KIF9: variants seen among roughly 807,000 people sequenced by gnomAD.
KIF9 encodes kinesin-like protein KIF9.
In KIF9, 68 loss-of-function variants were observed where a neutral mutation model predicts 94.8. The observed-to-expected ratio is 0.72, with a 90% CI of 0.59 to 0.88. KIF9 has a LOEUF of 0.88. KIF9 is among the 40% of genes least tolerant of loss of function. The pLI is 0.00. For synonymous variants in KIF9, 343 were observed against 362.1 expected (o/e 0.95, Z 0.60); for missense variants, 882 against 982.5 (o/e 0.90, Z 1.37).
intron 2 of KIF9, among the ~76,000 whole-genome samples, chr3:47,276,600 C>T (rs369429750): frequency 8.6e-5 from 13 of 151,660 alleles, no homozygotes; most frequent in South Asian, 6.3e-4. Context: ...AAGACTTGGT[C>T]CACTCACACA....
intron 9 of KIF9, among the ~76,000 whole-genome samples, chr3:47,260,799 GC>G (rs918072982): frequency 1.3e-5 from 2 of 152,210 alleles, no homozygotes; most frequent in African/African-American, 4.8e-5. Flanking sequence ...CCATCCTAGT[GC>G]CTGGGTGGGG....
chr3:47,272,985 C>G (rs1701742233), intron 4 of KIF9, among the ~76,000 whole-genome samples: 1 of 152,218 alleles, frequency 6.6e-6, no homozygotes, highest in East Asian at 1.9e-4. Context: ...CCTCCTACCT[C>G]CGACCAGAGG....
intron 5 of KIF9, among the ~76,000 whole-genome samples, chr3:47,270,691 A>G (rs916638482): frequency 2.3e-4 from 35 of 152,202 alleles, no homozygotes; most frequent in African/African-American, 8.4e-4. Flanking sequence ...TTGTTGCCTT[A>G]TGTAAAAAAC....
chr3:47,266,092 A>G, intron 7 of KIF9: 1 of 498,552 alleles, frequency 2.0e-6, no homozygotes, highest in Non-Finnish European at 3.6e-6. Flanking sequence ...GTGAACACTC[A>G]TGTGAATACT....
chr3:47,281,120 C>T (rs1481547606), intron 1 of KIF9: 4 of 671,132 alleles, frequency 6.0e-6, no homozygotes, highest in Middle Eastern at 2.4e-4. Flanking sequence ...CAGGAAATGG[C>T]GGTGGTTGGT....
At chr3:47,239,002 C>A (rs1483584088) in intron 17 of KIF9, among the ~76,000 whole-genome samples, 5 of 152,270 alleles carry the variant, frequency 3.3e-5, no homozygotes, top group Non-Finnish European at 4.4e-5. Flanking sequence ...AGTTCAAGAC[C>A]AGCCTGACCA....
chr3:47,255,720 GCTCTCCCTCTCC>G (rs776357368), intron 10 of KIF9, among the ~76,000 whole-genome samples: 2 of 149,734 alleles, frequency 1.3e-5, no homozygotes, highest in Non-Finnish European at 3.0e-5. Context: ...AATTTTCTTC[GCTCTCCCTCTCC>G]CTCTCCCTCT....
intron 20 of KIF9, among the ~76,000 whole-genome samples, chr3:47,232,770 C>G (rs1698693867): frequency 6.7e-6 from 1 of 150,308 alleles, no homozygotes; most frequent in African/African-American, 2.4e-5. Flanking sequence ...ATCAAGAGGT[C>G]AGGAGATCGA....
chr3:47,282,314 C>T, intron 1 of KIF9, 181 bp downstream of exon 1: 1 of 985,816 alleles, frequency 1.0e-6, no homozygotes, highest in Non-Finnish European at 1.2e-6. Flanking sequence ...GACCGTAAGC[C>T]GCGGTCAGGT....
chr3:47,253,450 C>T (rs867740468), intron 10 of KIF9, among the ~76,000 whole-genome samples: 5 of 146,218 alleles, frequency 3.4e-5, no homozygotes, highest in African/African-American at 5.0e-5. Flanking sequence ...GCCACGCACC[C>T]GGCCCAGTGA....
intron 7 of KIF9, 83 bp downstream of exon 7, chr3:47,266,893 G>C (rs1701320066): frequency 9.9e-7 from 1 of 1,008,708 alleles, no homozygotes; most frequent in African/African-American, 1.6e-5. Flanking sequence ...TATCCAATGA[G>C]TCATGGCCCA....
intron 2 of KIF9, 197 bp downstream of exon 2, chr3:47,277,085 C>T: frequency 5.0e-6 from 2 of 401,880 alleles, no homozygotes; most frequent in South Asian, 8.4e-5. Context: ...TATTAAAAGA[C>T]AATTAACGAT....
At chr3:47,263,758 T>C in intron 9 of KIF9, 1 of 436,086 alleles carries the variant, frequency 2.3e-6, no homozygotes, top group Non-Finnish European at 4.6e-6. Context: ...CCATGGCTTC[T>C]CTCTCTTTCT....
chr3:47,242,964 C>A (rs1699673459), intron 16 of KIF9, 87 bp downstream of exon 16: 2 of 1,091,044 alleles, frequency 1.8e-6, no homozygotes, highest in Non-Finnish European at 2.6e-6. Context: ...TATTTTATTT[C>A]TCTTTTATCT....
In KIF9 at chr3:47,247,391, C is replaced by T. The variant is rs1699994980; in HGVS notation, c.1215G>A (p.Gly405=). 3 of 1,612,812 alleles carry T rather than the reference C, an allele frequency of 1.9e-6. No individual in the cohort carries two copies. The highest frequency in any genetic ancestry group is 2.2e-5 in the East Asian group (1 of 44,858). The change falls in exon 12 of 21, where the codon GGG becomes GGA. Residue 405 remains glycine (G), a synonymous_variant. Coordinates refer to ENST00000684063, the MANE Select transcript of KIF9 (RefSeq NM_182902.4). ...INSQVRRYLE[G]TLDEIDIISL... ...TCCTTACGTCGATCTCGTCCAGTGT[C>T]CCCTCCAGGTACCTCCGCACCTGGG... is the stretch of plus-strand genomic sequence containing the variant.
At chr3:47,263,863 T>C in intron 9 of KIF9, 1 of 457,274 alleles carries the variant, frequency 2.2e-6, no homozygotes, top group Non-Finnish European at 4.4e-6. Context: ...CTTAATACCA[T>C]CTGCTCATAC....
At chr3:47,237,858 G>A (rs1270240943) in intron 17 of KIF9, among the ~76,000 whole-genome samples, 1 of 152,220 alleles carries the variant, frequency 6.6e-6, no homozygotes, top group African/African-American at 2.4e-5. Flanking sequence ...ACCCTCACCA[G>A]GTGTCTCACC....
chr3:47,255,371 C>T (rs1404521602), intron 10 of KIF9, among the ~76,000 whole-genome samples: 2 of 152,170 alleles, frequency 1.3e-5, no homozygotes, highest in East Asian at 1.9e-4. Context: ...AATGGTGATG[C>T]TGAGCACTCC....
At chr3:47,239,929 G>GT in intron 17 of KIF9, 1 of 1,367,640 alleles carries the variant, frequency 7.3e-7, no homozygotes, top group Non-Finnish European at 9.8e-7. Flanking sequence ...GAAGAAGACA[G>GT]TAAGACTGAG....
Sources: allele counts gnomAD v4.1 joint callset (sites outside exome capture counted in the v4.1 genomes callset), GRCh38; gene constraint gnomAD v4.1.1; transcripts MANE v1.5; gene names NCBI Gene and HGNC (gene_info 2026-07-23, HGNC 2026-07-21).